MS4A15: variants seen among roughly 807,000 people sequenced by gnomAD.
The protein encoded by MS4A15 is membrane spanning 4-domains A15, also known as membrane-spanning 4-domains subfamily A member 15.
Under a neutral mutation model 20.6 loss-of-function variants are expected in MS4A15, and 22 were observed. The observed-to-expected ratio is 1.07, with a 90% CI of 0.76 to 1.52. The LOEUF (loss-of-function observed/expected upper bound fraction) is 1.52, where lower values mean the gene tolerates loss of function less well. Among genes scored for constraint, MS4A15 ranks in the 40% most tolerant of loss-of-function variants. The probability of loss-of-function intolerance (pLI) is 0.00; values close to 1 mark genes in which losing one functional copy is unlikely to be tolerated. For missense variants in MS4A15, 312 were observed against 323.0 expected (o/e 0.97, Z 0.26); for synonymous variants, 129 against 129.3 (o/e 1.00, Z 0.02).
intron 1 of MS4A15, among the ~76,000 whole-genome samples, chr11:60,757,368 C>G (rs1853620707): frequency 6.6e-6 from 1 of 152,086 alleles, no homozygotes; most frequent in Admixed American, 6.5e-5. Flanking sequence ...GTTTTGACCA[C>G]CTGGGCGCCG....
At chr11:60,770,784 C>G (rs768195103) in intron 3 of MS4A15, among the ~76,000 whole-genome samples, 11 of 151,628 alleles carry the variant, frequency 7.3e-5, no homozygotes, top group Non-Finnish European at 1.6e-4. Flanking sequence ...TGGCTCACTG[C>G]AACCTCCGCC....
chr11:60,763,576 G>C, intron 1 of MS4A15, 130 bp from the exon 2 acceptor site: 3 of 726,908 alleles, frequency 4.1e-6, no homozygotes, highest in Non-Finnish European at 6.7e-6. Context: ...AGCTTCCCCA[G>C]CTTTGATGAG....
chr11:60,763,993 T>G (rs368087188), intron 2 of MS4A15, 35 bp downstream of exon 2: 1 of 1,566,982 alleles, frequency 6.4e-7, no homozygotes. Flanking sequence ...CTGAGGCAGG[T>G]AGTGAGTATC....
intron 1 of MS4A15, among the ~76,000 whole-genome samples, 155 bp from the exon 2 acceptor site, chr11:60,763,551 G>A (rs538471607): frequency 3.3e-5 from 5 of 152,142 alleles, no homozygotes; most frequent in South Asian, 2.1e-4. Flanking sequence ...GACATCTTTC[G>A]CTTCTCTGAG....
chr11:60,763,626 G>A, intron 1 of MS4A15, 80 bp from the exon 2 acceptor site: 1 of 1,199,482 alleles, frequency 8.3e-7, no homozygotes. Context: ...AGTAAGCAAG[G>A]GAAGTAGGCA....
At chr11:60,759,502 C>T (rs754089268) in intron 1 of MS4A15, among the ~76,000 whole-genome samples, 1 of 152,240 alleles carries the variant, frequency 6.6e-6, no homozygotes, top group African/African-American at 2.4e-5. Context: ...TTGGAAAGAC[C>T]TTACCATCCC....
intron 3 of MS4A15, 88 bp from the exon 4 acceptor site, chr11:60,771,203 C>T (rs1854027631): frequency 6.7e-7 from 1 of 1,496,072 alleles, no homozygotes; most frequent in Non-Finnish European, 9.2e-7. Flanking sequence ...TGTTGTCTCT[C>T]CCTGGCACCT....
intron 6 of MS4A15, among the ~76,000 whole-genome samples, chr11:60,774,839 A>T (rs1854144505): frequency 6.6e-6 from 1 of 152,032 alleles, no homozygotes; most frequent in Admixed American, 6.6e-5. Context: ...GGGTGAGGGG[A>T]TTGAAGGTCT....
intron 5 of MS4A15, 151 bp from the exon 6 acceptor site, chr11:60,773,686 G>C: frequency 3.8e-6 from 3 of 786,782 alleles, no homozygotes; most frequent in Non-Finnish European, 6.6e-6. Context: ...GCAGGGTGAA[G>C]GGGAGGGTGC....
intron 4 of MS4A15, among the ~76,000 whole-genome samples, chr11:60,772,806 C>T (rs1193657221): frequency 6.6e-6 from 1 of 152,150 alleles, no homozygotes; most frequent in Admixed American, 6.5e-5. Flanking sequence ...CCTGCACGCT[C>T]TTTAGACCCT....
intron 1 of MS4A15, among the ~76,000 whole-genome samples, chr11:60,761,407 G>A (rs976600614): frequency 6.6e-6 from 1 of 152,190 alleles, no homozygotes; most frequent in Non-Finnish European, 1.5e-5. Context: ...ACAAGTGCCT[G>A]ATCTTCCTAT....
intron 3 of MS4A15, among the ~76,000 whole-genome samples, chr11:60,770,565 T>G (rs1854009026): frequency 6.8e-6 from 1 of 147,888 alleles, no homozygotes; most frequent in Non-Finnish European, 1.5e-5. Flanking sequence ...GCCACTGCAC[T>G]CCAGCCTGTG....
intron 1 of MS4A15, among the ~76,000 whole-genome samples, chr11:60,759,377 A>G (rs1388817429): frequency 6.6e-6 from 1 of 152,234 alleles, no homozygotes; most frequent in African/African-American, 2.4e-5. Flanking sequence ...TCCATTCTCT[A>G]TTAACCAGGG....
rs1853913047 is a variant in MS4A15, at chr11:60,767,518, CG to C, written c.226-11del. On this transcript the variant is annotated splice_polypyrimidine_tract_variant and intron_variant, in intron 2 of 6. Transcript: ENST00000405633. ...GAACAGGGCCCGCGGCACTGAGCCTCGGGGCTTCCCGCAGACGGTGCAGATC... is the reference window on the plus strand; with the variant it reads ...GAACAGGGCCCGCGGCACTGAGCCTCGGGCTTCCCGCAGACGGTGCAGATC... 1 of 1,508,744 alleles carries C rather than the reference CG, an allele frequency of 6.6e-7. No homozygotes were observed. Among genetic ancestry groups the C allele is most frequent in the African/African-American group, 1.4e-5 (1 of 71,358 alleles). The allele number at this position is 1,508,744 out of a possible 1,614,324, so 93.5% of individuals were successfully genotyped here.
At chr11:60,761,340 C>T (rs911077931) in intron 1 of MS4A15, among the ~76,000 whole-genome samples, 27 of 152,176 alleles carry the variant, frequency 1.8e-4, no homozygotes, top group African/African-American at 5.8e-4. Flanking sequence ...AGCTTGCAAA[C>T]TTGACCTTTA....
chr11:60,773,363 C>T (rs1230072213), intron 4 of MS4A15, 29 bp from the exon 5 acceptor site: 1 of 1,584,380 alleles, frequency 6.3e-7, no homozygotes, highest in East Asian at 2.3e-5. Context: ...TGCCTATTCC[C>T]TCTGCTCCTG....
chr11:60,759,784 AT>A (rs534857847), intron 1 of MS4A15, among the ~76,000 whole-genome samples: 46 of 152,314 alleles, frequency 3.0e-4, no homozygotes, highest in African/African-American at 8.4e-4. Flanking sequence ...CTACGTGCAC[AT>A]CTGGGCACAG....
rs1478073277 is a variant in MS4A15 at position 60,771,653 on chromosome 11, G to A, written c.405+306G>A. The A allele has an allele frequency of 7.7e-6, 11 of 1,426,150 alleles. No individual in the cohort carries two copies. In the South Asian group the frequency reaches 8.5e-5, roughly 11 times the overall value. The allele number at this position is 1,426,150 out of a possible 1,614,324, so 88.3% of individuals were successfully genotyped here. A position where few individuals can be genotyped will look rare whatever the true frequency, so the allele number is the denominator to read the frequency against. On this transcript the variant is annotated intron_variant, in intron 4 of 6. Transcript: ENST00000405633. ...TAAGAGTCCTGCTGGGCCTTGGTGAGCAGAGAGGACTTAGAAATACCACAG... is the reference window on the plus strand; with the variant it reads ...TAAGAGTCCTGCTGGGCCTTGGTGAACAGAGAGGACTTAGAAATACCACAG...
At chr11:60,771,266 C>T in intron 3 of MS4A15, 25 bp from the exon 4 acceptor site, 1 of 1,612,840 alleles carries the variant, frequency 6.2e-7, no homozygotes. Context: ...GCTGAGGCCT[C>T]ACCTGGTCCC....
Sources: gnomAD v4.1 joint callset for allele counts (sites outside exome capture counted in the v4.1 genomes callset) on GRCh38, gnomAD v4.1.1 for gene constraint, MANE v1.5 for transcripts, NCBI Gene and HGNC (gene_info 2026-07-23, HGNC 2026-07-21) for gene names.